The following PCDH15 variants were observed in gnomAD, a reference collection of about 807,000 sequenced individuals.
PCDH15 encodes the protein protocadherin related 15.
Under a neutral mutation model 178.5 loss-of-function variants are expected in PCDH15, and 129 were observed. The observed-to-expected ratio is 0.72, with a 90% CI of 0.63 to 0.84. The LOEUF is 0.84. Ranked by LOEUF, PCDH15 falls within the 40% of genes least tolerant of loss-of-function variation. PCDH15 has a pLI of 0.00. For synonymous variants in PCDH15, 800 were observed against 732.0 expected, an observed-to-expected ratio of 1.09 and a Z score of -1.50; for missense variants, 2,230 against 2,099.9, an observed-to-expected ratio of 1.06 and a Z score of -1.21.
At chr10:55,511,631 T>C (rs1323955590) in intron 2 of PCDH15, among the ~76,000 whole-genome samples, 1 of 152,088 alleles carries the variant, frequency 6.6e-6, no homozygotes, top group Non-Finnish European at 1.5e-5. Context: ...ATTTTGATAA[T>C]ATTCATATGG....
chr10:55,114,807 C>A (rs1837591124), intron 2 of PCDH15, among the ~76,000 whole-genome samples: 1 of 152,268 alleles, frequency 6.6e-6, no homozygotes, highest in East Asian at 1.9e-4. Context: ...CATCTCCAAG[C>A]TATTTTAAAA....
At chr10:54,540,680 C>T (rs114157961) in intron 2 of PCDH15, among the ~76,000 whole-genome samples, 13,878 of 152,034 alleles carry the variant, frequency 0.091, 2,023 homozygotes, top group African/African-American at 0.31. Flanking sequence ...TACCCTGATA[C>T]CAAAACCTGT....
At chr10:54,095,238 A>G (rs2094680755) in intron 15 of PCDH15, among the ~76,000 whole-genome samples, 1 of 152,182 alleles carries the variant, frequency 6.6e-6, no homozygotes, top group South Asian at 2.1e-4. Flanking sequence ...CAAAAAATGT[A>G]TACATTCATT....
At chr10:54,631,524 C>T (rs1037284485) in intron 2 of PCDH15, among the ~76,000 whole-genome samples, 8 of 151,986 alleles carry the variant, frequency 5.3e-5, no homozygotes, top group African/African-American at 1.7e-4. Context: ...TCAGAACTAC[C>T]GTTAGACCCA....
At chr10:54,642,439 TG>T (rs1367055518) in intron 2 of PCDH15, among the ~76,000 whole-genome samples, 9 of 152,210 alleles carry the variant, frequency 5.9e-5, no homozygotes, top group African/African-American at 1.7e-4. Flanking sequence ...CTTCTGGTCA[TG>T]GAGGCTTATA....
intron 2 of PCDH15, among the ~76,000 whole-genome samples, chr10:55,576,389 T>G (rs920010313): frequency 3.3e-5 from 5 of 152,194 alleles, no homozygotes; most frequent in Admixed American, 1.3e-4. Context: ...GGGCTGGTCT[T>G]TCTGTTTCAT....
chr10:54,308,893 T>C (rs570092910), intron 8 of PCDH15, among the ~76,000 whole-genome samples: 3 of 151,990 alleles, frequency 2.0e-5, no homozygotes, highest in Non-Finnish European at 2.9e-5. Flanking sequence ...TTGTGTGCGA[T>C]TGTTGATGGG....
At chr10:54,113,757 TA>T in intron 15 of PCDH15, among the ~76,000 whole-genome samples, 1 of 152,174 alleles carries the variant, frequency 6.6e-6, no homozygotes, top group South Asian at 2.1e-4. Context: ...CATATCTTCT[TA>T]AAATGTATTC....
At chr10:53,913,900 C>T (rs2083329457) in intron 25 of PCDH15, among the ~76,000 whole-genome samples, 1 of 152,144 alleles carries the variant, frequency 6.6e-6, no homozygotes, top group Admixed American at 6.5e-5. Context: ...CTACAAAGAA[C>T]TTAAACAAAC....
chr10:54,808,798 T>C (rs191690784), intron 3 of PCDH15, among the ~76,000 whole-genome samples: 156 of 152,306 alleles, frequency 1.0e-3, no homozygotes, highest in African/African-American at 3.6e-3. Flanking sequence ...CTCAAAATGC[T>C]ATGACAGGAT....
chr10:55,151,827 G>T (rs1838728424), intron 2 of PCDH15, among the ~76,000 whole-genome samples: 1 of 152,160 alleles, frequency 6.6e-6, no homozygotes, highest in Non-Finnish European at 1.5e-5. Context: ...AATTCTCAAA[G>T]ATTTTAGGAT....
Position 55,174,966 on chromosome 10 carries a change from T to C in PCDH15, c.-155-8315A>G, listed in dbSNP as rs577502708. On this transcript the variant is annotated intron_variant, in intron 1 of 5. Coordinates refer to the PCDH15 transcript ENST00000458638. ...TTTAACCCAAGCATTTGAAATCTCC[T>C]GGAAGGATGTTATGTTACTTTTGAC... 5.9e-5 allele frequency among the ~76,000 whole-genome samples: 9 copies of C among 152,158 alleles called. No individual in the cohort carries two copies. The South Asian group carries it at 1.9e-3, about 32-fold the overall frequency.
intron 8 of PCDH15, among the ~76,000 whole-genome samples, chr10:54,286,579 T>C (rs761967620): frequency 2.0e-5 from 3 of 152,240 alleles, no homozygotes; most frequent in Non-Finnish European, 2.9e-5. Flanking sequence ...TGTAATGTTT[T>C]TGTTTTTGTT....
rs118097391 is a variant in PCDH15 at position 55,403,911 on chromosome 10, G to T, written c.-156+223714C>A. 4.2e-3 allele frequency among the ~76,000 whole-genome samples: 632 copies of T among 152,068 alleles called. 6 individuals carry two copies. Among genetic ancestry groups the T allele is most frequent in the Non-Finnish European group, 7.0e-3 (476 of 67,926 alleles). ...ACTTTCTGAGGTTAAACCCCAGATAGAAGAAGTTAATCACTTTTATGTTGA... is the reference window on the plus strand; with the variant it reads ...ACTTTCTGAGGTTAAACCCCAGATATAAGAAGTTAATCACTTTTATGTTGA... On this transcript the variant is annotated intron_variant, in intron 2 of 5. Transcript: ENST00000613346.
intron 3 of PCDH15, among the ~76,000 whole-genome samples, chr10:54,870,817 A>T (rs1289741396): frequency 6.6e-6 from 1 of 151,902 alleles, no homozygotes; most frequent in African/African-American, 2.4e-5. Context: ...AATAAAAAAA[A>T]AATCCACGGA....
Position 55,438,753 on chromosome 10 carries a change from C to A in PCDH15, c.-156+188872G>T, listed in dbSNP as rs1335958738. On this transcript the variant is annotated intron_variant, in intron 2 of 5. Coordinates refer to the PCDH15 transcript ENST00000613346. ...ACAGGAAAATGACATATATTGAAGA[C>A]TGGAAATAGAACAAAATTAATATTT... Among the ~76,000 whole-genome samples, 5 of 151,838 alleles carry A rather than the reference C, an allele frequency of 3.3e-5. No individual in the cohort carries two copies. In the Middle Eastern group the frequency reaches 0.01, roughly 310 times the overall value.
intron 2 of PCDH15, among the ~76,000 whole-genome samples, chr10:54,997,261 G>C (rs1241413762): frequency 2.6e-5 from 4 of 152,168 alleles, no homozygotes; most frequent in African/African-American, 9.6e-5. Flanking sequence ...CTGATGGCGA[G>C]AGTTTCAAGG....
At chr10:54,581,244 G>T (rs1016304622) in intron 2 of PCDH15, among the ~76,000 whole-genome samples, 3 of 152,060 alleles carry the variant, frequency 2.0e-5, no homozygotes, top group East Asian at 3.9e-4. Flanking sequence ...CTTCAGTAAA[G>T]TTTCAGAATA....
intron 1 of PCDH15, among the ~76,000 whole-genome samples, chr10:54,721,425 G>C (rs981971449): frequency 2.0e-5 from 3 of 151,612 alleles, no homozygotes; most frequent in African/African-American, 7.3e-5. Context: ...TAACAAAAAG[G>C]ACCAATTAAC....
Sources: allele counts gnomAD v4.1 joint callset (sites outside exome capture counted in the v4.1 genomes callset), GRCh38; gene constraint gnomAD v4.1.1; transcripts MANE v1.5; gene names NCBI Gene and HGNC (gene_info 2026-07-23, HGNC 2026-07-21).